TCP11L1: variants seen among roughly 807,000 people sequenced by gnomAD.
The protein encoded by TCP11L1 is t-complex 11 like 1.
Under a neutral mutation model 48.9 loss-of-function variants are expected in TCP11L1, and 28 were observed. The observed-to-expected ratio is 0.57, with a 90% CI of 0.42 to 0.78. The LOEUF is 0.78. Among genes scored for constraint, TCP11L1 ranks in the 30% least tolerant of loss-of-function variants. The pLI, the probability that TCP11L1 is intolerant of heterozygous loss-of-function variation, is 0.00. For synonymous variants in TCP11L1, 204 were observed against 231.9 expected (o/e 0.88, Z 1.09); for missense variants, 505 against 613.4 (o/e 0.82, Z 1.87).
At chr11:33,052,677 C>G (rs1022886382) in intron 2 of TCP11L1, among the ~76,000 whole-genome samples, 2 of 152,124 alleles carry the variant, frequency 1.3e-5, no homozygotes, top group Non-Finnish European at 1.5e-5. Context: ...CCATCAGCAT[C>G]AACTGGAGAC....
chr11:33,060,709 C>G (rs1313628784), intron 6 of TCP11L1, among the ~76,000 whole-genome samples: 1 of 152,136 alleles, frequency 6.6e-6, no homozygotes, highest in Non-Finnish European at 1.5e-5. Flanking sequence ...CACTTTCCCC[C>G]AGGTTGAAAG....
At chr11:33,055,800 A>G (rs1195143674) in intron 3 of TCP11L1, among the ~76,000 whole-genome samples, 1 of 152,178 alleles carries the variant, frequency 6.6e-6, no homozygotes, top group Non-Finnish European at 1.5e-5. Flanking sequence ...TGCTCAAGAC[A>G]GAAAGACATT....
intron 8 of TCP11L1, 25 bp from the exon 9 acceptor site, chr11:33,068,661 GC>G: frequency 6.2e-7 from 1 of 1,608,900 alleles, no homozygotes; most frequent in Non-Finnish European, 8.5e-7. Context: ...TTACTTATAG[GC>G]CCTTTCTCCC....
Position 33,057,210 on chromosome 11 carries a change from T to C in TCP11L1, c.392T>C (p.Ile131Thr). The change falls in exon 4 of 10, where the codon ATC becomes ACC. Residue 131 changes from isoleucine to threonine, a missense_variant. Coordinates refer to ENST00000334274, the MANE Select transcript of TCP11L1 (RefSeq NM_018393.4). ...GATCCCCCAGCATATGACCATGCTATCAAACTTGTAGGAGAAATCAAAGAG... is the reference window on the plus strand; with the variant it reads ...GATCCCCCAGCATATGACCATGCTACCAAACTTGTAGGAGAAATCAAAGAG... Reference protein sequence around the residue: ...SEDPPAYDHAIKLVGEIKETL... With the variant: ...SEDPPAYDHATKLVGEIKETL... 2 of 1,614,124 alleles carry C rather than the reference T, an allele frequency of 1.2e-6. No individual in the cohort carries two copies. Among genetic ancestry groups the C allele is most frequent in the Non-Finnish European group, 1.7e-6 (2 of 1,180,016 alleles).
chr11:33,061,615 G>A lies in TCP11L1; in HGVS notation c.861G>A (p.Gly287=), dbSNP rs941182820. 1.8e-5 allele frequency: 29 copies of A among 1,612,924 alleles called. No homozygotes were observed. The highest frequency in any genetic ancestry group is 2.3e-5 in the Non-Finnish European group (27 of 1,179,598). The change falls in exon 7 of 10, where the codon GGG becomes GGA. Residue 287 remains glycine (G), a synonymous_variant. Transcript: ENST00000334274. Reference sequence around the variant, plus strand: ...AGTATAAACACGCCCTGCCAGTGGGGGGAATGGCTGCTGGCTCTGGGGACA... The same window carrying A: ...AGTATAAACACGCCCTGCCAGTGGGAGGAATGGCTGCTGGCTCTGGGGACA... ...TQKYKHALPV[G]GMAAGSGDMP... is the part of the protein sequence containing the mutation.
intron 1 of TCP11L1, among the ~76,000 whole-genome samples, chr11:33,042,530 G>A (rs1036005801): frequency 6.6e-6 from 1 of 152,144 alleles, no homozygotes; most frequent in Non-Finnish European, 1.5e-5. Flanking sequence ...CCACCCAACT[G>A]CATACATTAT....
rs756490775 is a variant in TCP11L1, at chr11:33,068,689, C to T, written c.1157C>T (p.Ser386Phe). The T allele has an allele frequency of 8.1e-6, 13 of 1,613,734 alleles. No homozygotes were observed. Among genetic ancestry groups the T allele is most frequent in the South Asian group, 1.1e-5 (1 of 91,070 alleles). The part of the protein sequence containing the change: ...KILLTDMHLP[S>F]FHLKDVLTTI... Reference sequence around the variant, plus strand: ...CTTTCTCCCCTCCTCTGCCCCAGCTCCTTCCATCTGAAGGACGTCCTCACT... The same window carrying T: ...CTTTCTCCCCTCCTCTGCCCCAGCTTCTTCCATCTGAAGGACGTCCTCACT... Residue 386 changes from serine to phenylalanine, a missense_variant and splice_region_variant, in exon 9 of 10, where the codon TCC (serine) becomes TTC (phenylalanine). By Grantham distance (155) the Ser-to-Phe change is radical. This residue lies in a region of TCP11L1 where 335 missense variants were observed against 413.3 expected (regional missense o/e 0.81). Coordinates refer to ENST00000334274, the MANE Select transcript of TCP11L1 (RefSeq NM_018393.4).
chr11:33,045,841 A>G, intron 2 of TCP11L1, among the ~76,000 whole-genome samples: 1 of 152,222 alleles, frequency 6.6e-6, no homozygotes, highest in Non-Finnish European at 1.5e-5. Context: ...TGAAACAAAG[A>G]AGCAGGTGGT....
chr11:33,045,285 G>C (rs1853955871), intron 2 of TCP11L1, among the ~76,000 whole-genome samples: 1 of 151,600 alleles, frequency 6.6e-6, no homozygotes, highest in South Asian at 2.1e-4. Context: ...CCTGGGAGGT[G>C]GAGGCTGCAG....
Position 33,058,980 on chromosome 11 carries a change from C to T in TCP11L1, c.660C>T (p.Asp220=). ...PLFREIFSVL[D]LMKVDMANFA... ...TCAGAGAAATTTTTTCTGTGTTGGA[C>T]CTAATGAAAGTGGACATGGCCAACT... The change falls in exon 6 of 10, where the codon GAC becomes GAT. Residue 220 remains aspartate, a synonymous_variant. Coordinates refer to ENST00000334274, the MANE Select transcript of TCP11L1 (RefSeq NM_018393.4). 2 of 1,614,048 alleles carry T rather than the reference C, an allele frequency of 1.2e-6. No individual in the cohort carries two copies. Among genetic ancestry groups the T allele is most frequent in the South Asian group, 2.2e-5 (2 of 91,072 alleles).
Position 33,068,699 on chromosome 11 carries a change from G to A in TCP11L1, c.1167G>A (p.Leu389=), listed in dbSNP as rs1854690194. ...LTDMHLPSFH[L]KDVLTTIGEK... ...TCCTCTGCCCCAGCTCCTTCCATCT[G>A]AAGGACGTCCTCACTACCATCGGGG... The change falls in exon 9 of 10, where the codon CTG becomes CTA. Residue 389 remains leucine, a synonymous_variant. Coordinates refer to ENST00000334274, the MANE Select transcript of TCP11L1 (RefSeq NM_018393.4). The A allele has an allele frequency of 1.2e-6, 2 of 1,613,998 alleles. No homozygotes were observed. Among genetic ancestry groups the A allele is most frequent in the Non-Finnish European group, 1.7e-6 (2 of 1,179,922 alleles).
intron 7 of TCP11L1, 108 bp from the exon 8 acceptor site, chr11:33,065,721 CA>C: frequency 3.2e-6 from 4 of 1,267,610 alleles, no homozygotes; most frequent in Non-Finnish European, 4.4e-6. Context: ...CACACTAGCG[CA>C]AACCCTGAGG....
At chr11:33,070,156 C>T (rs1854736689) in intron 9 of TCP11L1, among the ~76,000 whole-genome samples, 1 of 152,072 alleles carries the variant, frequency 6.6e-6, no homozygotes, top group Admixed American at 6.5e-5. Context: ...TGACATGCAT[C>T]TGTAGTCCTT....
intron 2 of TCP11L1, 53 bp from the exon 3 acceptor site, chr11:33,054,540 G>T: frequency 6.3e-7 from 1 of 1,579,802 alleles, no homozygotes; most frequent in Non-Finnish European, 8.6e-7. Flanking sequence ...TCTTATTTTA[G>T]TAGAAATTCA....
rs77344131 is a variant in TCP11L1, at chr11:33,057,085, C to T, written c.297-30C>T. ...TGAAACTCAAATATTTTGGTTTTTG[C>T]CCCCCTCCTTTTTTTTTTCACTGCC... On this transcript the variant is annotated intron_variant, in intron 3 of 9. Transcript: ENST00000334274. 6.0e-3 allele frequency: 9,740 copies of T among 1,611,326 alleles called. 519 individuals are homozygous for T. In the African/African-American group the frequency reaches 0.12, roughly 19 times the overall value.
intron 2 of TCP11L1, among the ~76,000 whole-genome samples, chr11:33,050,472 G>A (rs1854126594): frequency 6.6e-6 from 1 of 152,078 alleles, no homozygotes; most frequent in South Asian, 2.1e-4. Context: ...TCTGATAACT[G>A]ATAACAGAAA....
At chr11:33,062,848 G>A (rs1173627899) in intron 7 of TCP11L1, among the ~76,000 whole-genome samples, 1 of 152,196 alleles carries the variant, frequency 6.6e-6, no homozygotes, top group Non-Finnish European at 1.5e-5. Flanking sequence ...ATGTGTCAGT[G>A]TTCCCTTTCT....
At chr11:33,070,112 CA>C (rs933106585) in intron 9 of TCP11L1, among the ~76,000 whole-genome samples, 1 of 150,668 alleles carries the variant, frequency 6.6e-6, no homozygotes, top group Non-Finnish European at 1.5e-5. Flanking sequence ...CCCATCTCTA[CA>C]AAAAATTAAA....
chr11:33,068,924 G>T (rs1854698640), intron 9 of TCP11L1, 65 bp downstream of exon 9: 2 of 1,558,310 alleles, frequency 1.3e-6, no homozygotes, highest in Non-Finnish European at 1.7e-6. Context: ...GAGTCCATCT[G>T]AAGAAACCTG....
Sources: allele counts gnomAD v4.1 joint callset (sites outside exome capture counted in the v4.1 genomes callset), GRCh38; gene constraint gnomAD v4.1.1; regional missense constraint gnomAD v4.1.1; transcripts MANE v1.5; gene names NCBI Gene and HGNC (gene_info 2026-07-23, HGNC 2026-07-21).